Variants in SCRG1 observed in about 807,000 individuals in gnomAD.
SCRG1 encodes scrapie-responsive protein 1.
Under a neutral mutation model 7.7 loss-of-function variants are expected in SCRG1, and 3 were observed. The ratio of observed to expected loss-of-function variants is 0.39; its 90% CI spans 0.18 to 1.01. The LOEUF (loss-of-function observed/expected upper bound fraction) is 1.01. SCRG1 is among the 50% of genes least tolerant of loss of function. The probability of loss-of-function intolerance (pLI) is 0.36; values close to 1 mark genes in which losing one functional copy is unlikely to be tolerated. For synonymous variants in SCRG1, 46 were observed against 41.2 expected, an observed-to-expected ratio of 1.12 and a Z score of -0.44; for missense variants, 110 against 117.2, an observed-to-expected ratio of 0.94 and a Z score of 0.28.
the SCRG1 span, among the ~76,000 whole-genome samples, chr4:173,488,588 C>T: frequency 2.0e-5 from 3 of 152,154 alleles, no homozygotes; most frequent in Non-Finnish European, 4.4e-5. Flanking sequence ...TCTGCAGAAT[C>T]CACAAACACA....
At chr4:173,500,680 TC>T in the SCRG1 span, among the ~76,000 whole-genome samples, 1 of 152,140 alleles carries the variant, frequency 6.6e-6, no homozygotes, top group Admixed American at 6.5e-5. Context: ...AGATGGGGTT[TC>T]CCCATGTTGC....
Position 173,386,219 on chromosome 4 carries a change from C to T in SCRG1, c.*2122G>A, listed in dbSNP as rs1432827899. The T allele has an allele frequency of 6.6e-6, 1 of 152,188 alleles. No homozygotes were observed. Among genetic ancestry groups the T allele is most frequent in the Non-Finnish European group, 1.5e-5 (1 of 68,100 alleles). The allele number at this position is 152,188 out of a possible 1,614,324, so 9.4% of individuals were successfully genotyped here. Reference sequence around the variant, plus strand: ...GCACGATCTCAGCTCACTGCAAGCTCCACCTCCTGGGTTCACGCCATTCTC... The same window carrying T: ...GCACGATCTCAGCTCACTGCAAGCTTCACCTCCTGGGTTCACGCCATTCTC... On this transcript the variant is annotated 3_prime_UTR_variant, in exon 3 of 3. Transcript: ENST00000296506.
the SCRG1 span, among the ~76,000 whole-genome samples, chr4:173,438,731 GT>G: frequency 4.8e-4 from 71 of 147,494 alleles, no homozygotes; most frequent in East Asian, 1.2e-3. Flanking sequence ...TTTTAATTCA[GT>G]TTTTTTTTTC....
chr4:173,408,862 G>T (rs1339612954), upstream of SCRG1, among the ~76,000 whole-genome samples: 1 of 151,688 alleles, frequency 6.6e-6, no homozygotes, highest in Non-Finnish European at 1.5e-5. Flanking sequence ...ATGTGGTGGC[G>T]GGCGCCTGTG....
At chr4:173,446,552 G>A in the SCRG1 span, 1 of 152,178 alleles carries the variant, frequency 6.6e-6, no homozygotes, top group Admixed American at 6.5e-5. Context: ...TTCTCAGTTA[G>A]TCAAGTTACC....
rs1739207565 is a variant in SCRG1, at chr4:173,384,980, T to A, written c.*3361A>T. On this transcript the variant is annotated 3_prime_UTR_variant, in exon 3 of 3. Transcript: ENST00000296506. ...ACAACATAGTGGTTAAGACTCTAGA[T>A]GCTAGTGTAAGACTGGCCATATTCA... 1 of 152,224 alleles carries A rather than the reference T, an allele frequency of 6.6e-6. No homozygotes were observed. 9.4% of individuals were successfully genotyped at this position (152,224 alleles called of 1,614,324 possible).
chr4:173,440,471 A>T, the SCRG1 span, among the ~76,000 whole-genome samples: 2 of 152,202 alleles, frequency 1.3e-5, no homozygotes, highest in Non-Finnish European at 2.9e-5. Flanking sequence ...TACTTTAATA[A>T]CATTTATTTT....
chr4:173,484,340 T>C, the SCRG1 span, among the ~76,000 whole-genome samples: 1 of 50,734 alleles, frequency 2.0e-5, no homozygotes, highest in African/African-American at 6.6e-5. Flanking sequence ...ATATTTAACA[T>C]ATTATATAAT....
At chr4:173,394,637 T>G (rs1682361453) in intron 1 of SCRG1, among the ~76,000 whole-genome samples, 1 of 144,216 alleles carries the variant, frequency 6.9e-6, no homozygotes, top group South Asian at 2.3e-4. Flanking sequence ...AGAGAGAGAC[T>G]CCGTCTCAAA....
chr4:173,413,348 C>T, the SCRG1 span, among the ~76,000 whole-genome samples: 5 of 152,236 alleles, frequency 3.3e-5, no homozygotes, highest in Admixed American at 1.3e-4. Context: ...AAGGTGAGAA[C>T]GTGTGGAGAC....
At chr4:173,495,332 T>C in the SCRG1 span, among the ~76,000 whole-genome samples, 3 of 152,338 alleles carry the variant, frequency 2.0e-5, no homozygotes, top group South Asian at 6.2e-4. Flanking sequence ...TGCCACAAAC[T>C]GCTTTATCTA....
chr4:173,506,472 T>C, the SCRG1 span, among the ~76,000 whole-genome samples: 13 of 152,172 alleles, frequency 8.5e-5, no homozygotes, highest in African/African-American at 3.1e-4. This position sits in a 1 kb window ranked among gnomAD's most constrained non-coding sequence, Gnocchi z 5.3. Flanking sequence ...TCTGCTCTCT[T>C]TGCACCTCAA....
intron 1 of SCRG1, among the ~76,000 whole-genome samples, chr4:173,392,078 T>G (rs1328795064): frequency 6.6e-6 from 1 of 152,200 alleles, no homozygotes; most frequent in African/African-American, 2.4e-5. Flanking sequence ...ACAAATAACA[T>G]AATTGAATAC....
the SCRG1 span, among the ~76,000 whole-genome samples, chr4:173,515,085 T>C: frequency 1.3e-5 from 2 of 152,098 alleles, no homozygotes; most frequent in Non-Finnish European, 2.9e-5. This position sits in a 1 kb window ranked among gnomAD's most constrained non-coding sequence, Gnocchi z 4.6. Flanking sequence ...AATGGGTCAA[T>C]GTTTGTAATA....
the SCRG1 span, among the ~76,000 whole-genome samples, chr4:173,489,243 T>C: frequency 1.3e-5 from 2 of 152,192 alleles, no homozygotes; most frequent in Non-Finnish European, 2.9e-5. Context: ...AACTGTGCAG[T>C]CTTTCTAAGC....
At chr4:173,415,350 C>A in the SCRG1 span, among the ~76,000 whole-genome samples, 1 of 152,128 alleles carries the variant, frequency 6.6e-6, no homozygotes, top group Non-Finnish European at 1.5e-5. Flanking sequence ...CATTGTGTAA[C>A]CCCCGTTTCC....
At chr4:173,517,879 G>T in the SCRG1 span, among the ~76,000 whole-genome samples, 2 of 152,358 alleles carry the variant, frequency 1.3e-5, no homozygotes, top group East Asian at 1.9e-4. Context: ...AAAGGCGAAA[G>T]CTCCCTCCTG....
chr4:173,515,748 T>A, the SCRG1 span, among the ~76,000 whole-genome samples: 1 of 152,118 alleles, frequency 6.6e-6, no homozygotes, highest in Non-Finnish European at 1.5e-5. The surrounding 1 kb of genome is among the most constrained non-coding windows in gnomAD (Gnocchi z 4.6). Context: ...TCCTTGGTTA[T>A]CTTAGTTCTC....
chr4:173,475,285 T>A, the SCRG1 span, among the ~76,000 whole-genome samples: 1,742 of 152,288 alleles, frequency 0.011, 29 homozygotes, highest in African/African-American at 0.039. Context: ...AATTGTGTTG[T>A]GTGGGATTGG....
Sources: allele counts gnomAD v4.1 joint callset (sites outside exome capture counted in the v4.1 genomes callset), GRCh38; gene constraint gnomAD v4.1.1; non-coding constraint Gnocchi (gnomAD v3.1); transcripts MANE v1.5; gene names NCBI Gene and HGNC (gene_info 2026-07-23, HGNC 2026-07-21).